The following FOXP1 variants were observed in gnomAD, a reference collection of about 807,000 sequenced individuals.
FOXP1 encodes forkhead box P1.
In FOXP1, 15 loss-of-function variants were observed where a neutral mutation model predicts 98.2. The observed-to-expected ratio is 0.15, with a 90% CI of 0.10 to 0.24. FOXP1 has a LOEUF of 0.24. Ranked by LOEUF, FOXP1 falls within the 10% of genes least tolerant of loss-of-function variation. FOXP1 has a pLI of 1.00. For synonymous variants in FOXP1, 371 were observed against 314.5 expected (o/e 1.18, Z -1.90); for missense variants, 633 against 848.5 (o/e 0.75, Z 3.15).
At chr3:71,234,742 T>C (rs1010979539) in intron 5 of FOXP1, among the ~76,000 whole-genome samples, 1 of 152,172 alleles carries the variant, frequency 6.6e-6, no homozygotes, top group African/African-American at 2.4e-5. Flanking sequence ...AGGCCAACTG[T>C]GGATAAGATG....
chr3:71,199,779 T>C (rs1163932664), intron 5 of FOXP1, among the ~76,000 whole-genome samples: 1 of 148,794 alleles, frequency 6.7e-6, no homozygotes, highest in Non-Finnish European at 1.5e-5. Context: ...AATGAGTAGC[T>C]AGAAAATATC....
chr3:71,238,699 A>G (rs2067002940), intron 5 of FOXP1, among the ~76,000 whole-genome samples: 2 of 152,192 alleles, frequency 1.3e-5, no homozygotes, highest in Non-Finnish European at 2.9e-5. Context: ...TAGCTCAGTA[A>G]CCAAGAGTGA....
At chr3:70,969,424 G>A (rs2035703299) in intron 19 of FOXP1, 1 of 152,178 alleles carries the variant, frequency 6.6e-6, no homozygotes, top group Non-Finnish European at 1.5e-5. Context: ...CAGTGAATCT[G>A]CCTCTAAACT....
chr3:71,483,558 C>T lies in FOXP1; in HGVS notation c.-168+9868G>A, dbSNP rs543493879. ...TGAAAATCCTACTACTACTTAGTGA[C>T]ACATGAAAATCATGTGAAATTCTAA... On this transcript the variant is annotated intron_variant, in intron 3 of 20. Transcript: ENST00000649528. 2.0e-5 allele frequency among the ~76,000 whole-genome samples: 3 copies of T among 152,266 alleles called. No individual in the cohort carries two copies. In the East Asian group the frequency reaches 5.8e-4, roughly 29 times the overall value.
intron 7 of FOXP1, among the ~76,000 whole-genome samples, chr3:71,073,927 T>A (rs186069551): frequency 6.6e-6 from 1 of 152,242 alleles, no homozygotes; most frequent in East Asian, 1.9e-4. Flanking sequence ...AATGCTAAGA[T>A]AACAAGGACC....
At chr3:71,146,022 G>A (rs1013216274) in intron 6 of FOXP1, among the ~76,000 whole-genome samples, 1 of 152,172 alleles carries the variant, frequency 6.6e-6, no homozygotes, top group African/African-American at 2.4e-5. Flanking sequence ...AAGGATGTTG[G>A]ATAGCAGCAA....
chr3:71,314,884 G>A (rs2074964700), intron 4 of FOXP1, among the ~76,000 whole-genome samples: 1 of 151,864 alleles, frequency 6.6e-6, no homozygotes, highest in Admixed American at 6.6e-5. Flanking sequence ...TACTTTTCAA[G>A]TCTGTGCATA....
chr3:71,548,295 A>G (rs1455294387), intron 2 of FOXP1, among the ~76,000 whole-genome samples: 1 of 152,150 alleles, frequency 6.6e-6, no homozygotes, highest in East Asian at 1.9e-4. Context: ...ACACAAATAC[A>G]CACACACACA....
chr3:71,283,542 A>G (rs1198886305), intron 5 of FOXP1, among the ~76,000 whole-genome samples: 1 of 152,216 alleles, frequency 6.6e-6, no homozygotes, highest in African/African-American at 2.4e-5. Flanking sequence ...AGACTCCTGA[A>G]GGGATCTGGA....
chr3:71,229,657 T>C (rs1340333279), intron 5 of FOXP1, among the ~76,000 whole-genome samples: 2 of 152,162 alleles, frequency 1.3e-5, no homozygotes, highest in African/African-American at 2.4e-5. Flanking sequence ...ACTATCCTTG[T>C]AGAATATGCA....
intron 16 of FOXP1, 148 bp from the exon 17 acceptor site, chr3:70,977,190 T>TTA: frequency 1.6e-6 from 1 of 643,768 alleles, no homozygotes; most frequent in Non-Finnish European, 2.8e-6. Context: ...ATGGTTGTAT[T>TTA]TAACAGTTCA....
chr3:71,543,398 A>C (rs951356469), intron 2 of FOXP1: 1 of 152,336 alleles, frequency 6.6e-6, no homozygotes, highest in African/African-American at 2.4e-5. Flanking sequence ...GGGACTGAGG[A>C]GGATTGGGGC....
chr3:71,208,536 T>TTCTCTGTGTG (rs10529764), intron 5 of FOXP1, among the ~76,000 whole-genome samples: 1 of 149,346 alleles, frequency 6.7e-6, no homozygotes, highest in Non-Finnish European at 1.5e-5. Flanking sequence ...GCATTTAAGT[T>TTCTCTGTGTG]TGTGTGTGTG....
chr3:71,061,092 G>A (rs972849075), intron 7 of FOXP1, among the ~76,000 whole-genome samples: 5 of 151,432 alleles, frequency 3.3e-5, no homozygotes, highest in Non-Finnish European at 7.4e-5. Context: ...AGATACCTGA[G>A]TTTTCTTTTT....
chr3:71,422,870 G>A (rs771570278), intron 3 of FOXP1, among the ~76,000 whole-genome samples: 93 of 151,026 alleles, frequency 6.2e-4, no homozygotes, highest in Admixed American at 1.1e-3. Flanking sequence ...ACACAAGCGC[G>A]CACACACACA....
At chr3:71,534,964 A>G (rs2044168965) in intron 2 of FOXP1, among the ~76,000 whole-genome samples, 1 of 152,192 alleles carries the variant, frequency 6.6e-6, no homozygotes, top group Admixed American at 6.5e-5. Context: ...TATATTCTTC[A>G]CACTGAACTT....
intron 19 of FOXP1, among the ~76,000 whole-genome samples, chr3:70,967,718 T>TTTTTTTTTTTTG (rs2035242743): frequency 7.0e-6 from 1 of 141,862 alleles, no homozygotes; most frequent in African/African-American, 2.7e-5. Context: ...TTGTTTTTTT[T>TTTTTTTTTTTTG]TTTTTTTTTT....
At chr3:71,373,059 C>T (rs2079456982) in intron 3 of FOXP1, among the ~76,000 whole-genome samples, 1 of 152,184 alleles carries the variant, frequency 6.6e-6, no homozygotes, top group South Asian at 2.1e-4. Context: ...TGTCTGCACG[C>T]TGAGCTCCTC....
At chr3:71,525,583 ACAG>A (rs1372445342) in intron 2 of FOXP1, among the ~76,000 whole-genome samples, 1 of 152,220 alleles carries the variant, frequency 6.6e-6, no homozygotes, top group African/African-American at 2.4e-5. Context: ...GAAGGTCTGC[ACAG>A]GGTTGTGAAA....
Sources: allele counts gnomAD v4.1 joint callset (sites outside exome capture counted in the v4.1 genomes callset), GRCh38; gene constraint gnomAD v4.1.1; transcripts MANE v1.5; gene names NCBI Gene and HGNC (gene_info 2026-07-23, HGNC 2026-07-21).